Variants in SGF29 observed in about 807,000 individuals in gnomAD.
The protein encoded by SGF29 is SAGA-associated factor 29.
Under a neutral mutation model 38.1 loss-of-function variants are expected in SGF29, and 15 were observed. That is an observed-to-expected ratio of 0.39 (90% confidence interval 0.26 to 0.61). SGF29 has a LOEUF of 0.61. Ranked by LOEUF, SGF29 falls within the 20% of genes least tolerant of loss-of-function variation. The pLI is 0.49. For synonymous variants in SGF29, 151 were observed against 160.8 expected (o/e 0.94, Z 0.46); for missense variants, 184 against 394.6 (o/e 0.47, Z 4.52).
intron 1 of SGF29, among the ~76,000 whole-genome samples, chr16:28,561,296 G>T (rs2151641738): frequency 6.6e-6 from 1 of 152,210 alleles, no homozygotes; most frequent in Non-Finnish European, 1.5e-5. Context: ...TTTTTGGGAG[G>T]CTGAGGCAGG....
At chr16:28,580,864 G>A (rs1044781435) in intron 1 of SGF29, among the ~76,000 whole-genome samples, 191 bp from the exon 2 acceptor site, 1 of 152,194 alleles carries the variant, frequency 6.6e-6, no homozygotes, top group African/African-American at 2.4e-5. Flanking sequence ...TAATTTTTTT[G>A]TAAAGACGGG....
rs1175480145 is a variant in SGF29 at position 28,579,725 on chromosome 16, GT to G, written c.-15-1327del. On this transcript the variant is annotated intron_variant, in intron 1 of 9. Transcript: ENST00000317058. ...GCAAGCAGATCACCTGAGGTCAGGAGTTTGAGACCAGCCTGGCCAACATGGT... is the reference window on the plus strand; with the variant it reads ...GCAAGCAGATCACCTGAGGTCAGGAGTTGAGACCAGCCTGGCCAACATGGT... Among the ~76,000 whole-genome samples the G allele has an allele frequency of 8.6e-5, 13 of 151,966 alleles. No homozygotes were observed. In the South Asian group the frequency reaches 2.7e-3, roughly 32 times the overall value.
intron 3 of SGF29, 84 bp downstream of exon 3, chr16:28,585,072 T>A: frequency 9.5e-7 from 1 of 1,050,294 alleles, no homozygotes; most frequent in Non-Finnish European, 1.4e-6. Context: ...GTGGTCATTG[T>A]ATTCAAAATA....
chr16:28,574,753 T>C (rs1270718639), intron 1 of SGF29, among the ~76,000 whole-genome samples: 5 of 152,326 alleles, frequency 3.3e-5, no homozygotes, highest in African/African-American at 1.2e-4. Context: ...TGGGGTTCTT[T>C]CCTTTTTCCT....
intron 1 of SGF29, 60 bp downstream of exon 1, chr16:28,554,157 GTCC>G (rs1448850109): frequency 6.6e-6 from 1 of 152,194 alleles, no homozygotes; most frequent in Non-Finnish European, 1.5e-5. Context: ...GAAGGGCTGA[GTCC>G]TCCCTCCGCG....
chr16:28,588,693 T>C (rs748150125), intron 4 of SGF29: 3 of 398,856 alleles, frequency 7.5e-6, no homozygotes, highest in Non-Finnish European at 9.8e-6. Context: ...GCCTCCCAAG[T>C]AGGTGGGATT....
In SGF29 at chr16:28,564,697, GTATATATATACA is replaced by G. The variant is rs1567285926; in HGVS notation, c.-16+10608_-16+10619del. On this transcript the variant is annotated intron_variant, in intron 1 of 9. Coordinates refer to ENST00000317058, the MANE Select transcript of SGF29 (RefSeq NM_138414.3). ...TATGTATATATATGTGTATATATAT[GTATATATATACA>G]TATATATGTATATATATACATATAT... 9.3e-3 allele frequency among the ~76,000 whole-genome samples: 700 copies of G among 75,056 alleles called. 26 individuals carry two copies. Among genetic ancestry groups the G allele is most frequent in the Non-Finnish European group, 0.014 (558 of 39,950 alleles). 49.2% of individuals were successfully genotyped at this position (75,056 alleles called of 152,430 possible). A position where few individuals can be genotyped will look rare whatever the true frequency, so the allele number is the denominator to read the frequency against.
At chr16:28,554,712 A>G (rs1216167054) in intron 1 of SGF29, among the ~76,000 whole-genome samples, 1 of 151,972 alleles carries the variant, frequency 6.6e-6, no homozygotes, top group Admixed American at 6.6e-5. Context: ...GCCTTAGTCT[A>G]CCCTCACTAA....
chr16:28,564,777 A>ACG (rs2046825989), intron 1 of SGF29, among the ~76,000 whole-genome samples: 1 of 87,026 alleles, frequency 1.1e-5, no homozygotes, highest in African/African-American at 4.2e-5. Flanking sequence ...ATATATGTAT[A>ACG]TATATATATA....
chr16:28,564,519 ATG>A (rs1403285526), intron 1 of SGF29, among the ~76,000 whole-genome samples: 1 of 119,942 alleles, frequency 8.3e-6, no homozygotes, highest in Non-Finnish European at 1.8e-5. Context: ...GTATATATAT[ATG>A]TGTGTGTATA....
chr16:28,560,457 C>T (rs758561664), intron 1 of SGF29, among the ~76,000 whole-genome samples: 70 of 151,130 alleles, frequency 4.6e-4, no homozygotes, highest in African/African-American at 8.0e-4. Context: ...GACGTGGTGG[C>T]GCACACCTGT....
chr16:28,554,273 G>GCGGGGC (rs1488522652), intron 1 of SGF29, 176 bp downstream of exon 1: 19 of 151,392 alleles, frequency 1.3e-4, no homozygotes, highest in Non-Finnish European at 2.2e-4. Context: ...GGAGAGGAGG[G>GCGGGGC]CGGGGCCGGG....
intron 1 of SGF29, among the ~76,000 whole-genome samples, chr16:28,575,344 T>C (rs1285000108): frequency 6.6e-6 from 1 of 152,166 alleles, no homozygotes; most frequent in Non-Finnish European, 1.5e-5. Flanking sequence ...AAAAAGAAAT[T>C]GGTCTTCATA....
chr16:28,581,186 C>T (rs112385738), intron 2 of SGF29, 42 bp downstream of exon 2: 10 of 1,576,984 alleles, frequency 6.3e-6, no homozygotes, highest in African/African-American at 2.7e-5. Flanking sequence ...GGAACATGGG[C>T]TTTGATGCTG....
rs182191460 is a variant in SGF29 at position 28,560,370 on chromosome 16, C to T, written c.-16+6273C>T. Among the ~76,000 whole-genome samples, 687 of 149,480 alleles carry T rather than the reference C, an allele frequency of 4.6e-3. 5 individuals are homozygous for T. The highest frequency in any genetic ancestry group is 0.016 in the African/African-American group (661 of 40,696). ...CTTTGGGAGGCTGAGGTGGGTGGAT[C>T]ACGAGGTCAGGAGTTCGAGACCAGC... On this transcript the variant is annotated intron_variant, in intron 1 of 9. Coordinates refer to ENST00000317058, the MANE Select transcript of SGF29 (RefSeq NM_138414.3).
chr16:28,571,867 G>A (rs1401784907), intron 1 of SGF29, among the ~76,000 whole-genome samples: 3 of 152,222 alleles, frequency 2.0e-5, no homozygotes, highest in African/African-American at 7.2e-5. Flanking sequence ...AATGAGTGGT[G>A]ATTGATTGAT....
In SGF29 at chr16:28,581,101, C is replaced by T. The variant is rs1252479639; in HGVS notation, c.32C>T (p.Ala11Val). Residue 11 changes from alanine (A) to valine (V), a missense_variant, in exon 2 of 10, where the codon GCA becomes GTA. Physicochemically the swap from Ala to Val is moderately conservative, Grantham distance 64 (BLOSUM62 0). This residue lies in a region of SGF29 where 77 missense variants were observed against 117.7 expected (regional missense o/e 0.65). Transcript: ENST00000317058. ...CTCGTGTCTGCCGATTCCCGCATTGCAGAACTTCTCACAGAGCTCCATCAG... is the reference window on the plus strand; with the variant it reads ...CTCGTGTCTGCCGATTCCCGCATTGTAGAACTTCTCACAGAGCTCCATCAG... MALVSADSRI[A>V]ELLTELHQLI... 6.2e-7 allele frequency: 1 copy of T among 1,614,108 alleles called. No individual in the cohort carries two copies.
At position 28,591,781 on chromosome 16, in the gene SGF29, T is replaced by TG; in HGVS notation, c.*75_*76insG. 1 of 1,324,558 alleles carries TG rather than the reference T, an allele frequency of 7.5e-7. No individual in the cohort carries two copies. The allele number at this position is 1,324,558 out of a possible 1,614,324, so 82.1% of individuals were successfully genotyped here. A position where few individuals can be genotyped will look rare whatever the true frequency, so the allele number is the denominator to read the frequency against. The stretch of plus-strand genomic sequence containing the variant: ...GAGGACGTGCTGGGATTAAACACAT[T>TG]CCCCCTCTACTCGTCTCCTGGGTTT... On this transcript the variant is annotated 3_prime_UTR_variant, in exon 10 of 10. Coordinates refer to ENST00000317058, the MANE Select transcript of SGF29 (RefSeq NM_138414.3).
intron 2 of SGF29, among the ~76,000 whole-genome samples, chr16:28,582,883 C>G (rs909335751): frequency 6.6e-6 from 1 of 152,084 alleles, no homozygotes; most frequent in African/African-American, 2.4e-5. Flanking sequence ...TGCAGTGAGC[C>G]AAGATCGCAC....
Sources: gnomAD v4.1 joint callset for allele counts (sites outside exome capture counted in the v4.1 genomes callset) on GRCh38, gnomAD v4.1.1 for gene constraint, gnomAD v4.1.1 regional missense constraint, MANE v1.5 for transcripts, NCBI Gene and HGNC (gene_info 2026-07-23, HGNC 2026-07-21) for gene names.